HDAC4: variants seen among roughly 807,000 people sequenced by gnomAD.
HDAC4 encodes the protein histone deacetylase A.
A neutral mutation model predicts 135.1 loss-of-function variants in HDAC4; 16 were observed. The ratio of observed to expected loss-of-function variants is 0.12; its 90% CI spans 0.08 to 0.18. The LOEUF (loss-of-function observed/expected upper bound fraction) is 0.18. Ranked by LOEUF, HDAC4 falls within the 10% of genes least tolerant of loss-of-function variation. The probability of loss-of-function intolerance (pLI) is 1.00; values close to 1 mark genes in which losing one functional copy is unlikely to be tolerated. For missense variants in HDAC4, 1,143 were observed against 1,511.8 expected (o/e 0.76, Z 4.05); for synonymous variants, 685 against 653.4 (o/e 1.05, Z -0.74).
chr2:239,188,969 C>T (rs909078771), intron 4 of HDAC4, among the ~76,000 whole-genome samples: 3 of 152,226 alleles, frequency 2.0e-5, no homozygotes, highest in Non-Finnish European at 1.5e-5. Context: ...TGGGAGACCC[C>T]ATCAGCGAAG....
chr2:239,401,255 T>C (rs1696977125), upstream of HDAC4: 1 of 149,858 alleles, frequency 6.7e-6, no homozygotes, highest in Non-Finnish European at 1.5e-5. Context: ...ACAGCCCGTC[T>C]GCTCCCACCC....
At chr2:239,385,611 G>A (rs936922393) in intron 1 of HDAC4, among the ~76,000 whole-genome samples, 13 of 152,216 alleles carry the variant, frequency 8.5e-5, no homozygotes, top group Non-Finnish European at 1.3e-4. Context: ...CCTACCAGTG[G>A]GCAAAGCCGG....
intron 24 of HDAC4, among the ~76,000 whole-genome samples, chr2:239,065,959 C>T (rs931501036): frequency 5.3e-5 from 8 of 152,330 alleles, no homozygotes; most frequent in African/African-American, 1.9e-4. Context: ...GAAAGGTACC[C>T]CTCCACTTTG....
intron 2 of HDAC4, among the ~76,000 whole-genome samples, chr2:239,317,089 C>T (rs559658264): frequency 1.3e-5 from 2 of 152,264 alleles, no homozygotes; most frequent in East Asian, 1.9e-4. Flanking sequence ...ACGCCTTCAG[C>T]GACTGCTGGA....
At chr2:239,283,991 C>T (rs1004311595) in intron 2 of HDAC4, among the ~76,000 whole-genome samples, 5 of 152,210 alleles carry the variant, frequency 3.3e-5, no homozygotes, top group African/African-American at 9.7e-5. Flanking sequence ...CCGAAGGCGC[C>T]AAGGGCGTCG....
chr2:239,208,943 C>T (rs2046215438), intron 3 of HDAC4, among the ~76,000 whole-genome samples: 1 of 152,200 alleles, frequency 6.6e-6, no homozygotes, highest in African/African-American at 2.4e-5. Context: ...AGTGCAGTGG[C>T]ACGATCATGG....
At chr2:239,113,413 C>T (rs560169448) in intron 13 of HDAC4, among the ~76,000 whole-genome samples, 23 of 152,288 alleles carry the variant, frequency 1.5e-4, no homozygotes, top group African/African-American at 4.3e-4. Flanking sequence ...GGGCCCCACG[C>T]GGTTAAGTGG....
intron 1 of HDAC4, among the ~76,000 whole-genome samples, chr2:239,395,082 G>A (rs1379149229): frequency 6.6e-6 from 1 of 152,202 alleles, no homozygotes; most frequent in African/African-American, 2.4e-5. Flanking sequence ...GAAGGTAAAG[G>A]GAGGCCATTC....
rs1203461369 is a variant in HDAC4 at position 239,306,385 on chromosome 2, C to T, written c.22+46293G>A. Among the ~76,000 whole-genome samples the T allele has an allele frequency of 6.6e-6, 1 of 152,110 alleles. No individual in the cohort carries two copies. Among genetic ancestry groups the T allele is most frequent in the Non-Finnish European group, 1.5e-5 (1 of 68,012 alleles). On this transcript the variant is annotated intron_variant, in intron 2 of 26. Coordinates refer to ENST00000543185, the MANE Select transcript of HDAC4 (RefSeq NM_001378414.1). This position sits in a 1 kb window ranked among gnomAD's most constrained non-coding sequence, Gnocchi z 4.5. ...CACAGCCTTCCAGTGGACACGAGGA[C>T]CTCAGAGGCCACCTGGCCAGGCCCC... is the stretch of plus-strand genomic sequence containing the variant.
intron 2 of HDAC4, among the ~76,000 whole-genome samples, chr2:239,276,884 ACTGT>A (rs1314821854): frequency 6.6e-6 from 1 of 152,146 alleles, no homozygotes; most frequent in Non-Finnish European, 1.5e-5. Flanking sequence ...TTCTTGCAAC[ACTGT>A]CTGTCACCGT....
intron 13 of HDAC4, 130 bp from the exon 14 acceptor site, chr2:239,111,842 G>A (rs1164166160): frequency 7.0e-6 from 6 of 858,760 alleles, no homozygotes; most frequent in Non-Finnish European, 1.1e-5. Context: ...AAGGATGCCG[G>A]GAGGCCAGCT....
intron 2 of HDAC4, among the ~76,000 whole-genome samples, chr2:239,283,960 G>A (rs992772303): frequency 1.3e-4 from 20 of 152,372 alleles, no homozygotes; most frequent in African/African-American, 2.9e-4. Context: ...GTGCTGCCTC[G>A]GGATCTACAG....
At chr2:239,209,257 T>G (rs909163891) in intron 3 of HDAC4, among the ~76,000 whole-genome samples, 1 of 152,218 alleles carries the variant, frequency 6.6e-6, no homozygotes, top group Non-Finnish European at 1.5e-5. Context: ...GACTTACTAT[T>G]CTAAAGATAG....
chr2:239,107,111 G>C (rs984333265), intron 15 of HDAC4, among the ~76,000 whole-genome samples: 1 of 152,166 alleles, frequency 6.6e-6, no homozygotes, highest in South Asian at 2.1e-4. Context: ...TCCTGCCCTC[G>C]CTATCAGCAG....
At chr2:239,126,418 C>A in intron 12 of HDAC4, 38 bp downstream of exon 12, 2 of 1,612,384 alleles carry the variant, frequency 1.2e-6, no homozygotes, top group South Asian at 1.1e-5. Context: ...AGCACACAGC[C>A]GCCCTGGGGC....
chr2:239,174,542 G>A (rs1333654340), intron 5 of HDAC4, among the ~76,000 whole-genome samples: 1 of 152,224 alleles, frequency 6.6e-6, no homozygotes, highest in African/African-American at 2.4e-5. Context: ...CCCTGTACAT[G>A]GCTGGTAGGA....
rs2039037914 is a variant in HDAC4, at chr2:239,115,369, C to T, written c.1534-59G>A. On this transcript the variant is annotated intron_variant, in intron 12 of 26. Coordinates refer to ENST00000543185, the MANE Select transcript of HDAC4 (RefSeq NM_001378414.1). The surrounding 1 kb of genome is among the most constrained non-coding windows in gnomAD (Gnocchi z 6.3). ...AGCTGGGTCCTCTGAGCTCATCTGA[C>T]AGGAGAAGGGATGCTGCAAACCCCA... 6.2e-7 allele frequency: 1 copy of T among 1,603,436 alleles called. No homozygotes were observed. The highest frequency in any genetic ancestry group is 8.5e-7 in the Non-Finnish European group (1 of 1,173,094).
At chr2:239,317,217 T>G (rs1310362057) in intron 2 of HDAC4, among the ~76,000 whole-genome samples, 2 of 152,224 alleles carry the variant, frequency 1.3e-5, no homozygotes, top group African/African-American at 4.8e-5. Context: ...CACGTCTCCT[T>G]GTCAGCAGAG....
At chr2:239,180,364 G>T (rs558319776) in intron 4 of HDAC4, among the ~76,000 whole-genome samples, 1 of 152,112 alleles carries the variant, frequency 6.6e-6, no homozygotes. Context: ...CCCGTTCCTG[G>T]ACCTCGCTTC....
Sources: allele counts gnomAD v4.1 joint callset (sites outside exome capture counted in the v4.1 genomes callset), GRCh38; gene constraint gnomAD v4.1.1; non-coding constraint Gnocchi (gnomAD v3.1); transcripts MANE v1.5; gene names NCBI Gene and HGNC (gene_info 2026-07-23, HGNC 2026-07-21).